The following CTTN variants were observed in gnomAD, a reference collection of about 807,000 sequenced individuals.
CTTN encodes src substrate cortactin.
In CTTN, 28 loss-of-function variants were observed where a neutral mutation model predicts 84.0. That is an observed-to-expected ratio of 0.33 (90% CI 0.25 to 0.46). The LOEUF (loss-of-function observed/expected upper bound fraction) is 0.46, where lower values mean the gene tolerates loss of function less well. Among genes scored for constraint, CTTN ranks in the 20% least tolerant of loss-of-function variants. The pLI is 1.00. For missense variants in CTTN, 641 were observed against 723.8 expected, an observed-to-expected ratio of 0.89 and a Z score of 1.31; for synonymous variants, 301 against 288.8, an observed-to-expected ratio of 1.04 and a Z score of -0.43.
intron 8 of CTTN, among the ~76,000 whole-genome samples, chr11:70,418,041 CTCT>C (rs2058184284): frequency 6.6e-6 from 1 of 152,064 alleles, no homozygotes; most frequent in Non-Finnish European, 1.5e-5. Flanking sequence ...TTCCCTGTGC[CTCT>C]TGTTTGGCCT....
chr11:70,419,917 C>T lies in CTTN; in HGVS notation c.679+61C>T, dbSNP rs745943376. On this transcript the variant is annotated intron_variant, in intron 9 of 17. Transcript: ENST00000301843. The stretch of plus-strand genomic sequence containing the variant: ...CTAGTAATGTGACAGGTGGTAGCCA[C>T]ACCGGAAAAGGAAAAACAAAGCGTT... 11 of 1,319,264 alleles carry T rather than the reference C, an allele frequency of 8.3e-6. No homozygotes were observed. The South Asian group carries it at 1.1e-4, about 13-fold the overall frequency. The allele number at this position is 1,319,264 out of a possible 1,614,324, so 81.7% of individuals were successfully genotyped here. A position where few individuals can be genotyped will look rare whatever the true frequency, so the allele number is the denominator to read the frequency against.
intron 12 of CTTN, among the ~76,000 whole-genome samples, chr11:70,424,692 G>C (rs757921815): frequency 6.6e-6 from 1 of 151,984 alleles, no homozygotes; most frequent in Non-Finnish European, 1.5e-5. Context: ...AGCGGGGTCC[G>C]AGGAAGGACA....
intron 5 of CTTN, among the ~76,000 whole-genome samples, chr11:70,413,716 G>C (rs1263497811): frequency 2.6e-5 from 4 of 152,230 alleles, no homozygotes; most frequent in Non-Finnish European, 5.9e-5. Context: ...GGAGCCGGCA[G>C]CTGGCTCCTG....
Position 70,425,355 on chromosome 11 carries a change from C to T in CTTN, c.981C>T (p.Val327=). 6.2e-7 allele frequency: 1 copy of T among 1,612,744 alleles called. No homozygotes were observed. The highest frequency in any genetic ancestry group is 1.1e-5 in the South Asian group (1 of 90,552). ...MDKNASTFED[V]TQVSSAYQKT... The stretch of plus-strand genomic sequence containing the variant: ...AGAATGCGTCAACCTTTGAGGATGT[C>T]ACCCAGGTGTCCTCTGCCTACCAGA... The change falls in exon 13 of 18, where the codon GTC becomes GTT. Residue 327 remains valine, a synonymous_variant. Transcript: ENST00000301843.
chr11:70,426,988 G>C (rs150314840), intron 13 of CTTN, among the ~76,000 whole-genome samples: 2 of 151,790 alleles, frequency 1.3e-5, no homozygotes, highest in Non-Finnish European at 2.9e-5. Flanking sequence ...CACCTGCCTC[G>C]GCCTCTCAAA....
intron 15 of CTTN, 27 bp downstream of exon 15, chr11:70,431,307 C>T (rs749013409): frequency 7.5e-6 from 12 of 1,606,128 alleles, no homozygotes; most frequent in African/African-American, 2.7e-5. Flanking sequence ...TTTGAATGAG[C>T]GTGAGTGACT....
chr11:70,409,034 C>T (rs912951047), intron 4 of CTTN, among the ~76,000 whole-genome samples: 1 of 152,140 alleles, frequency 6.6e-6, no homozygotes, highest in Non-Finnish European at 1.5e-5. Flanking sequence ...GGAATAAGCC[C>T]ATTCTTCATG....
At chr11:70,417,178 G>C in intron 8 of CTTN, 55 bp downstream of exon 8, 1 of 1,340,304 alleles carries the variant, frequency 7.5e-7, no homozygotes, top group Non-Finnish European at 1.1e-6. Context: ...ACACCCACGA[G>C]GGCATTTTCT....
intron 7 of CTTN, 59 bp downstream of exon 7, chr11:70,415,776 A>T: frequency 6.5e-7 from 1 of 1,538,706 alleles, no homozygotes; most frequent in Non-Finnish European, 9.0e-7. Context: ...GGAGAGTCAC[A>T]GCCACCTGAA....
At chr11:70,417,690 T>G (rs905714878) in intron 8 of CTTN, among the ~76,000 whole-genome samples, 1 of 151,958 alleles carries the variant, frequency 6.6e-6, no homozygotes, top group Admixed American at 6.6e-5. Context: ...GAGACGGAGT[T>G]CTGCCATGTT....
chr11:70,405,101 A>G (rs2058027811), intron 1 of CTTN, among the ~76,000 whole-genome samples, 164 bp from the exon 2 acceptor site: 1 of 152,252 alleles, frequency 6.6e-6, no homozygotes, highest in Non-Finnish European at 1.5e-5. Flanking sequence ...TTTTATTAGT[A>G]AAATGCAAGT....
At chr11:70,422,343 A>C (rs1326722405) in intron 11 of CTTN, 8 of 414,742 alleles carry the variant, frequency 1.9e-5, no homozygotes, top group Non-Finnish European at 2.8e-5. Flanking sequence ...AGGTGTGGGC[A>C]GGTAGACACA....
At position 70,429,445 on chromosome 11, in the gene CTTN, A is replaced by G. The variant is rs571700207; in HGVS notation, c.1176+246A>G. On this transcript the variant is annotated intron_variant, in intron 14 of 17. Transcript: ENST00000301843. ...ATCCTGGTCTTGCCGGTCCAGCCCC[A>G]GGACCCGCCAACCTGCCCTGCCCTC... 3.3e-5 allele frequency among the ~76,000 whole-genome samples: 5 copies of G among 152,298 alleles called. No individual in the cohort carries two copies. The South Asian group carries it at 8.3e-4, about 25-fold the overall frequency.
Position 70,419,743 on chromosome 11 carries a change from T to TA in CTTN, c.569-2dup, listed in dbSNP as rs746974432. The TA allele has an allele frequency of 6.2e-7, 1 of 1,605,892 alleles. No homozygotes were observed. Among genetic ancestry groups the TA allele is most frequent in the Non-Finnish European group, 8.5e-7 (1 of 1,177,740 alleles). Reference sequence around the variant, plus strand: ...AAAGTAGTCCTTTTTTGTTTGTTTTTAGATTACTCCAAAGGTTTCGGCGGC... The same window carrying TA: ...AAAGTAGTCCTTTTTTGTTTGTTTTTAAGATTACTCCAAAGGTTTCGGCGGC... On this transcript the variant is annotated splice_polypyrimidine_tract_variant and splice_region_variant and intron_variant, in intron 8 of 17. Transcript: ENST00000301843.
chr11:70,401,876 C>T (rs1200530043), intron 1 of CTTN, among the ~76,000 whole-genome samples: 1 of 151,602 alleles, frequency 6.6e-6, no homozygotes, highest in Non-Finnish European at 1.5e-5. Context: ...GGCTTTTAGG[C>T]GCGGTGGTTC....
rs111380669 is a variant in CTTN at position 70,435,175 on chromosome 11, C to A, written c.*13C>A. On this transcript the variant is annotated 3_prime_UTR_variant, in exon 18 of 18. Transcript: ENST00000301843. ...GCTGCGGCAGTAGGGCCCCCAGCCC[C>A]CCCCCGGAGCTGCGCCCTGGATCCT... 1.5e-4 allele frequency: 244 copies of A among 1,600,090 alleles called. No individual in the cohort carries two copies. Among genetic ancestry groups the A allele is most frequent in the Non-Finnish European group, 1.9e-4 (227 of 1,174,672 alleles).
chr11:70,415,805 G>A (rs1591438896), intron 7 of CTTN, 88 bp downstream of exon 7: 11 of 1,349,776 alleles, frequency 8.1e-6, no homozygotes, highest in South Asian at 3.5e-5. Flanking sequence ...CCCGCGCTCC[G>A]GGGGCCCTGA....
In CTTN at chr11:70,435,858, T is replaced by G. The variant is rs2058412368; in HGVS notation, c.*696T>G. On this transcript the variant is annotated 3_prime_UTR_variant, in exon 18 of 18. Transcript: ENST00000301843. ...GGAGGGCTGCTGGGAGCCTCTCCTG[T>G]CCCCGCCGGGCAGTGTCACTGAGTC... The G allele has an allele frequency of 6.6e-7, 1 of 1,516,570 alleles. No individual in the cohort carries two copies. Among genetic ancestry groups the G allele is most frequent in the Non-Finnish European group, 8.8e-7 (1 of 1,140,740 alleles). 93.9% of individuals were successfully genotyped at this position (1,516,570 alleles called of 1,614,324 possible).
chr11:70,414,059 C>G (rs913143075), intron 5 of CTTN, among the ~76,000 whole-genome samples: 1 of 152,172 alleles, frequency 6.6e-6, no homozygotes, highest in Non-Finnish European at 1.5e-5. Context: ...AAAGCCTGCA[C>G]CAAGGGCTGG....
Sources: allele counts gnomAD v4.1 joint callset (sites outside exome capture counted in the v4.1 genomes callset), GRCh38; gene constraint gnomAD v4.1.1; transcripts MANE v1.5; gene names NCBI Gene and HGNC (gene_info 2026-07-23, HGNC 2026-07-21).